Variants in SPAG16 observed in about 807,000 individuals in gnomAD.
SPAG16 encodes sperm associated antigen 16.
A neutral mutation model predicts 80.4 loss-of-function variants in SPAG16; 86 were observed. The ratio of observed to expected loss-of-function variants is 1.07; its 90% CI spans 0.90 to 1.28. The LOEUF (loss-of-function observed/expected upper bound fraction) is 1.28, where lower values mean the gene tolerates loss of function less well. Among genes scored for constraint, SPAG16 ranks in the 50% most tolerant of loss-of-function variants. The pLI is 0.00. For synonymous variants in SPAG16, 294 were observed against 265.9 expected, an observed-to-expected ratio of 1.11 and a Z score of -1.03; for missense variants, 870 against 765.3, an observed-to-expected ratio of 1.14 and a Z score of -1.61.
At chr2:213,657,167 T>C (rs894524142) in intron 10 of SPAG16, among the ~76,000 whole-genome samples, 10 of 152,176 alleles carry the variant, frequency 6.6e-5, no homozygotes, top group Admixed American at 6.5e-4. Context: ...CCATATCAAG[T>C]TTTATTCATG....
chr2:213,969,668 G>A (rs2044908903), intron 12 of SPAG16, among the ~76,000 whole-genome samples: 1 of 152,108 alleles, frequency 6.6e-6, no homozygotes, highest in Non-Finnish European at 1.5e-5. Context: ...CACAAACTCT[G>A]TAACTATGAG....
chr2:213,696,353 G>A (rs1172170079), intron 10 of SPAG16, among the ~76,000 whole-genome samples: 3 of 152,116 alleles, frequency 2.0e-5, no homozygotes, highest in South Asian at 2.1e-4. Context: ...ATGTGAGTTT[G>A]GAGTTCAGAA....
At chr2:213,358,129 G>C (rs868433960) in intron 7 of SPAG16, among the ~76,000 whole-genome samples, 6 of 152,312 alleles carry the variant, frequency 3.9e-5, no homozygotes, top group Middle Eastern at 3.4e-3. Context: ...GAGATCTGCT[G>C]TTAGTCTGAT....
chr2:214,010,086 T>C (rs2047213033), intron 12 of SPAG16, among the ~76,000 whole-genome samples: 1 of 145,346 alleles, frequency 6.9e-6, no homozygotes, highest in Non-Finnish European at 1.5e-5. Context: ...TGTTTTTATA[T>C]AATAAAATGT....
At chr2:213,391,198 G>A (rs1287774672) in intron 9 of SPAG16, among the ~76,000 whole-genome samples, 1 of 152,146 alleles carries the variant, frequency 6.6e-6, no homozygotes, top group Non-Finnish European at 1.5e-5. Flanking sequence ...AACCCAGGAG[G>A]TGGAGGTTGC....
intron 15 of SPAG16, among the ~76,000 whole-genome samples, chr2:214,260,473 T>C (rs898469759): frequency 2.6e-5 from 4 of 152,190 alleles, no homozygotes; most frequent in African/African-American, 9.6e-5. Context: ...TACTGTGTTA[T>C]AGATGCCAAA....
intron 15 of SPAG16, among the ~76,000 whole-genome samples, chr2:214,302,141 AG>A (rs1272423682): frequency 7.2e-5 from 11 of 152,262 alleles, no homozygotes; most frequent in African/African-American, 2.6e-4. Context: ...TGTTCCCAGA[AG>A]ATACTTGATG....
chr2:213,658,904 C>T (rs1453260888), intron 10 of SPAG16, among the ~76,000 whole-genome samples: 2 of 152,088 alleles, frequency 1.3e-5, no homozygotes, highest in Admixed American at 6.6e-5. Flanking sequence ...GGCGTGATGG[C>T]TTGTGCCTGT....
intron 9 of SPAG16, among the ~76,000 whole-genome samples, chr2:213,419,097 C>T (rs909505221): frequency 6.6e-6 from 1 of 150,446 alleles, no homozygotes. Context: ...CTGTGTAGAT[C>T]AATGAATCCT....
chr2:214,315,015 C>T (rs975443071), intron 15 of SPAG16, among the ~76,000 whole-genome samples: 3 of 151,362 alleles, frequency 2.0e-5, no homozygotes, highest in African/African-American at 7.3e-5. Flanking sequence ...GAAATAATTG[C>T]ACGGATGAAT....
At chr2:213,413,796 T>C (rs1050923706) in intron 9 of SPAG16, among the ~76,000 whole-genome samples, 2 of 152,204 alleles carry the variant, frequency 1.3e-5, no homozygotes, top group African/African-American at 4.8e-5. Context: ...ACATCATCAT[T>C]ATGTCTGGCC....
chr2:214,313,997 T>C (rs1695510305), intron 15 of SPAG16, among the ~76,000 whole-genome samples: 1 of 152,150 alleles, frequency 6.6e-6, no homozygotes, highest in Non-Finnish European at 1.5e-5. Context: ...TACTTAATAG[T>C]AGCATTATTG....
intron 13 of SPAG16, among the ~76,000 whole-genome samples, chr2:214,101,822 C>T (rs2053054393): frequency 6.6e-6 from 1 of 152,140 alleles, no homozygotes; most frequent in South Asian, 2.1e-4. Context: ...AATATGATAA[C>T]AACTGTAAAA....
At chr2:214,258,459 G>GTA in intron 15 of SPAG16, among the ~76,000 whole-genome samples, 1 of 114,212 alleles carries the variant, frequency 8.8e-6, no homozygotes, top group African/African-American at 2.9e-5. Context: ...GTGTGTGTAT[G>GTA]TATGTGTGTG....
In SPAG16 at chr2:214,141,895, G is replaced by A. The variant is rs189976503; in HGVS notation, c.1594-7245G>A. On this transcript the variant is annotated intron_variant, in intron 14 of 15. Coordinates refer to ENST00000331683, the MANE Select transcript of SPAG16 (RefSeq NM_024532.5). Reference sequence around the variant, plus strand: ...ATGCATTATACTCAATATTTGGAGCGCAATTTTAGTCTTGATATTATATTT... The same window carrying A: ...ATGCATTATACTCAATATTTGGAGCACAATTTTAGTCTTGATATTATATTT... Among the ~76,000 whole-genome samples, 18 of 152,128 alleles carry A rather than the reference G, an allele frequency of 1.2e-4. No homozygotes were observed. In the South Asian group the frequency reaches 1.5e-3, roughly 12 times the overall value.
chr2:213,451,106 G>T (rs2071659990), intron 9 of SPAG16, among the ~76,000 whole-genome samples: 1 of 151,218 alleles, frequency 6.6e-6, no homozygotes, highest in Admixed American at 6.6e-5. Flanking sequence ...AGCTGGGAAA[G>T]AACTATAGGT....
chr2:213,864,465 A>G (rs141426432), intron 11 of SPAG16, among the ~76,000 whole-genome samples: 2 of 152,206 alleles, frequency 1.3e-5, no homozygotes, highest in African/African-American at 2.4e-5. Context: ...TTTAATGAAT[A>G]CAGTTATAGT....
intron 13 of SPAG16, among the ~76,000 whole-genome samples, chr2:214,036,224 A>C (rs898683925): frequency 6.6e-6 from 1 of 152,138 alleles, no homozygotes. Context: ...GGCCAATGGA[A>C]ATTTTTTCAA....
At chr2:214,359,295 TG>T (rs747135061) in intron 15 of SPAG16, among the ~76,000 whole-genome samples, 1 of 151,690 alleles carries the variant, frequency 6.6e-6, no homozygotes, top group Admixed American at 6.6e-5. Context: ...GATGATAAAT[TG>T]GGGGGGTTTA....
Sources: allele counts gnomAD v4.1 joint callset (sites outside exome capture counted in the v4.1 genomes callset), GRCh38; gene constraint gnomAD v4.1.1; transcripts MANE v1.5; gene names NCBI Gene and HGNC (gene_info 2026-07-23, HGNC 2026-07-21).